LIMS4: variants seen among roughly 807,000 people sequenced by gnomAD.
The protein encoded by LIMS4 is LIM and senescent cell antigen-like-containing domain protein 4.
chr2:110,411,352 C>T, the LIMS4 span, among the ~76,000 whole-genome samples: 5 of 139,500 alleles, frequency 3.6e-5, no homozygotes, highest in East Asian at 6.3e-4. Context: ...GAAAATGCCT[C>T]GCATCAGCAA....
chr2:110,367,964 C>G, the LIMS4 span, among the ~76,000 whole-genome samples: 1 of 144,964 alleles, frequency 6.9e-6, no homozygotes, highest in Non-Finnish European at 1.5e-5. Context: ...AGTGCTTAAT[C>G]TTATGTAAAT....
chr2:110,424,276 G>A, the LIMS4 span: 7 of 36,126 alleles, frequency 1.9e-4, 1 homozygote, highest in Admixed American at 6.1e-4. Flanking sequence ...GGGGCCTCTC[G>A]AGGCAAATAC....
the LIMS4 span, among the ~76,000 whole-genome samples, chr2:110,366,694 C>A: frequency 6.6e-6 from 1 of 152,160 alleles, no homozygotes; most frequent in Non-Finnish European, 1.5e-5. Flanking sequence ...CTAGCCAGGA[C>A]AATCAGGCAA....
the LIMS4 span, among the ~76,000 whole-genome samples, chr2:110,395,846 C>T: frequency 8.0e-5 from 10 of 125,378 alleles, no homozygotes; most frequent in African/African-American, 2.5e-4. Context: ...CCAGGGCCTG[C>T]ACCCTCCCAC....
At chr2:110,379,012 G>T in the LIMS4 span, among the ~76,000 whole-genome samples, 1 of 148,528 alleles carries the variant, frequency 6.7e-6, no homozygotes, top group East Asian at 1.9e-4. Flanking sequence ...AATTTATACA[G>T]AAAGAAATCT....
At chr2:110,425,137 C>T in the LIMS4 span, among the ~76,000 whole-genome samples, 1 of 143,046 alleles carries the variant, frequency 7.0e-6, no homozygotes, top group Non-Finnish European at 1.5e-5. Context: ...ACCAGGAACC[C>T]ACCGGAAGGA....
chr2:110,392,342 G>A, the LIMS4 span, among the ~76,000 whole-genome samples: 1,073 of 150,190 alleles, frequency 7.1e-3, 3 homozygotes, highest in African/African-American at 0.026. Flanking sequence ...GGGAGGCTGA[G>A]GCAGGAGAAT....
chr2:110,396,027 C>T, the LIMS4 span, among the ~76,000 whole-genome samples: 1 of 138,960 alleles, frequency 7.2e-6, no homozygotes, highest in African/African-American at 3.0e-5. Context: ...AACCCACATG[C>T]TTCAGATGGA....
the LIMS4 span, among the ~76,000 whole-genome samples, chr2:110,381,997 G>A: frequency 1.5e-5 from 1 of 68,280 alleles, no homozygotes; most frequent in Non-Finnish European, 2.4e-5. Flanking sequence ...AACCCGTGAC[G>A]CAGAGATTGC....
the LIMS4 span, among the ~76,000 whole-genome samples, chr2:110,425,228 T>A: frequency 2.9e-5 from 4 of 139,842 alleles, no homozygotes; most frequent in East Asian, 6.1e-4. Context: ...CAGATCTCTT[T>A]AAAAAAAAAA....
chr2:110,392,229 T>G, the LIMS4 span, among the ~76,000 whole-genome samples: 2 of 151,438 alleles, frequency 1.3e-5, no homozygotes, highest in East Asian at 3.8e-4. Flanking sequence ...TGCCAGTGTC[T>G]GGGTTGTAGG....
chr2:110,442,718 A>T (rs1688160513), downstream of LIMS4, among the ~76,000 whole-genome samples: 1 of 150,626 alleles, frequency 6.6e-6, no homozygotes, highest in Non-Finnish European at 1.5e-5. Flanking sequence ...GTTGTTGTTG[A>T]GATGGAGTCT....
chr2:110,391,243 C>T, the LIMS4 span, among the ~76,000 whole-genome samples: 3 of 147,970 alleles, frequency 2.0e-5, no homozygotes, highest in Non-Finnish European at 4.4e-5. Flanking sequence ...CCCGTAACCG[C>T]CCGTAACAAT....
the LIMS4 span, among the ~76,000 whole-genome samples, chr2:110,390,761 T>C: frequency 6.6e-6 from 1 of 151,652 alleles, no homozygotes; most frequent in Non-Finnish European, 1.5e-5. Context: ...AGCACTTACC[T>C]TGTTCCAGGG....
the LIMS4 span, chr2:110,382,580 A>C: frequency 2.3e-5 from 1 of 43,030 alleles, no homozygotes; most frequent in South Asian, 9.3e-4. Flanking sequence ...AGCATTATTT[A>C]GAACAGCCAA....
chr2:110,396,150 C>A, the LIMS4 span, among the ~76,000 whole-genome samples: 13 of 106,668 alleles, frequency 1.2e-4, 1 homozygote, highest in African/African-American at 6.0e-4. Flanking sequence ...ACACTGCGTC[C>A]GTTTACTGTC....
chr2:110,373,797 G>A, the LIMS4 span, among the ~76,000 whole-genome samples: 3 of 148,556 alleles, frequency 2.0e-5, no homozygotes, highest in Non-Finnish European at 4.4e-5. Context: ...TACCTTCCTG[G>A]CCTTTGTGCT....
At chr2:110,390,773 C>T in the LIMS4 span, among the ~76,000 whole-genome samples, 1 of 151,956 alleles carries the variant, frequency 6.6e-6, no homozygotes, top group Non-Finnish European at 1.5e-5. Flanking sequence ...GTTCCAGGGC[C>T]TGAGTTCAGC....
chr2:110,422,334 C>A, the LIMS4 span, among the ~76,000 whole-genome samples: 1 of 26,080 alleles, frequency 3.8e-5, no homozygotes, highest in Non-Finnish European at 5.4e-5. Flanking sequence ...ACTTCCCCCT[C>A]CTTTCCTTTA....
Sources: allele counts gnomAD v4.1 joint callset (sites outside exome capture counted in the v4.1 genomes callset), GRCh38; gene constraint gnomAD v4.1.1; transcripts MANE v1.5; gene names NCBI Gene and HGNC (gene_info 2026-07-23, HGNC 2026-07-21).